MGMT: variants seen among roughly 807,000 people sequenced by gnomAD.
The protein encoded by MGMT is methylated-DNA--protein-cysteine methyltransferase.
In MGMT, 14 loss-of-function variants were observed where a neutral mutation model predicts 15.9. The observed-to-expected ratio is 0.88, with a 90% CI of 0.58 to 1.37. The LOEUF (loss-of-function observed/expected upper bound fraction) is 1.37. Ranked by LOEUF, MGMT falls within the 40% of genes most tolerant of loss-of-function variation. The pLI is 0.00. For missense variants in MGMT, 282 were observed against 268.1 expected (o/e 1.05, Z -0.36); for synonymous variants, 130 against 118.2 (o/e 1.10, Z -0.65).
intron 2 of MGMT, among the ~76,000 whole-genome samples, chr10:129,573,271 C>G (rs1846440719): frequency 6.6e-6 from 1 of 152,006 alleles, no homozygotes; most frequent in Non-Finnish European, 1.5e-5. Context: ...ATAAGAAATT[C>G]AACTAGATTT....
chr10:129,761,762 C>T (rs953238104), intron 4 of MGMT, among the ~76,000 whole-genome samples: 4 of 152,200 alleles, frequency 2.6e-5, no homozygotes, highest in African/African-American at 4.8e-5. Context: ...TCGCCCTTCT[C>T]GGCGTCCACA....
At chr10:129,513,821 C>G (rs1357211137) in intron 1 of MGMT, among the ~76,000 whole-genome samples, 1 of 152,180 alleles carries the variant, frequency 6.6e-6, no homozygotes, top group Non-Finnish European at 1.5e-5. Flanking sequence ...CTTCCAAACT[C>G]CACGGCTGAG....
chr10:129,596,301 T>C (rs1846750590), intron 2 of MGMT, among the ~76,000 whole-genome samples: 2 of 152,244 alleles, frequency 1.3e-5, no homozygotes, highest in South Asian at 4.1e-4. Flanking sequence ...CAGTTTCTTT[T>C]TCCATTTATT....
Position 129,736,689 on chromosome 10 carries a change from G to A in MGMT, c.275-22513G>A, listed in dbSNP as rs574234872. The stretch of plus-strand genomic sequence containing the variant: ...CTACATTTTGGCATGATTTTGCAGC[G>A]GCTGGTACCGGTTGTTCCTTTCCAT... On this transcript the variant is annotated intron_variant, in intron 3 of 4. Coordinates refer to ENST00000651593, the MANE Select transcript of MGMT (RefSeq NM_002412.5). Among the ~76,000 whole-genome samples the A allele has an allele frequency of 2.3e-3, 351 of 152,214 alleles. 1 individual carries two copies. Among genetic ancestry groups the A allele is most frequent in the African/African-American group, 7.2e-3 (299 of 41,538 alleles).
intron 2 of MGMT, among the ~76,000 whole-genome samples, chr10:129,576,796 C>T (rs1846488738): frequency 6.6e-6 from 1 of 152,204 alleles, no homozygotes; most frequent in African/African-American, 2.4e-5. Flanking sequence ...CCCATCGTCT[C>T]ATCCCAAAAT....
chr10:129,646,832 G>A (rs1376403936), intron 2 of MGMT, among the ~76,000 whole-genome samples: 1 of 149,080 alleles, frequency 6.7e-6, no homozygotes. Flanking sequence ...GGTGAATCAG[G>A]AGGTGAGAGC....
intron 2 of MGMT, among the ~76,000 whole-genome samples, chr10:129,592,003 C>T (rs1846692581): frequency 1.3e-5 from 2 of 152,222 alleles, no homozygotes; most frequent in South Asian, 2.1e-4. Flanking sequence ...ACAAACTGAC[C>T]CTGGAGCACC....
intron 2 of MGMT, among the ~76,000 whole-genome samples, chr10:129,558,833 T>A (rs2119804790): frequency 6.6e-6 from 1 of 152,294 alleles, no homozygotes; most frequent in South Asian, 2.1e-4. Flanking sequence ...TTTTGCCATT[T>A]CTCTTTTTCC....
In MGMT at chr10:129,644,754, C is replaced by T. The variant is rs563078882; in HGVS notation, c.126-63141C>T. On this transcript the variant is annotated intron_variant, in intron 2 of 4. Transcript: ENST00000651593. The stretch of plus-strand genomic sequence containing the variant: ...AGCTATAGCTGTTATTGGCCTTGCC[C>T]GGTGCTCCTGGACCGTGGTTAGTGG... Among the ~76,000 whole-genome samples the T allele has an allele frequency of 2.0e-3, 303 of 152,336 alleles. 2 individuals are homozygous for T. The highest frequency in any genetic ancestry group is 6.1e-3 in the African/African-American group (252 of 41,594).
intron 2 of MGMT, among the ~76,000 whole-genome samples, chr10:129,541,818 C>T (rs1444614897): frequency 6.6e-6 from 1 of 152,152 alleles, no homozygotes; most frequent in East Asian, 1.9e-4. Flanking sequence ...TGCAGAGGCT[C>T]TTTTTCTGTC....
intron 2 of MGMT, among the ~76,000 whole-genome samples, chr10:129,595,248 G>A (rs941465509): frequency 1.3e-5 from 2 of 152,170 alleles, no homozygotes; most frequent in South Asian, 2.1e-4. Flanking sequence ...AGACGGACAC[G>A]CTTAGTTCCC....
chr10:129,565,746 C>T (rs1192205495), intron 2 of MGMT, among the ~76,000 whole-genome samples: 3 of 152,108 alleles, frequency 2.0e-5, no homozygotes, highest in African/African-American at 4.8e-5. Flanking sequence ...CCTGGCGCCC[C>T]GTCTCCCCGT....
chr10:129,694,827 T>A (rs950929976), intron 2 of MGMT, among the ~76,000 whole-genome samples: 1 of 152,198 alleles, frequency 6.6e-6, no homozygotes, highest in African/African-American at 2.4e-5. Context: ...AACTCTGGCC[T>A]CCAGCATGAT....
At chr10:129,519,693 C>T (rs1408437927) in intron 1 of MGMT, among the ~76,000 whole-genome samples, 1 of 152,134 alleles carries the variant, frequency 6.6e-6, no homozygotes, top group Non-Finnish European at 1.5e-5. Context: ...AAGAATTCTT[C>T]CCTGCAGAAA....
At chr10:129,642,889 A>G (rs1267912909) in intron 2 of MGMT, among the ~76,000 whole-genome samples, 3 of 152,134 alleles carry the variant, frequency 2.0e-5, no homozygotes, top group African/African-American at 7.2e-5. Flanking sequence ...CCGCGATCCC[A>G]CCAAGGCATT....
intron 2 of MGMT, among the ~76,000 whole-genome samples, chr10:129,545,738 A>AT (rs1415506231): frequency 1.3e-5 from 2 of 152,170 alleles, no homozygotes; most frequent in Non-Finnish European, 2.9e-5. Context: ...TATTCTTCCT[A>AT]TATCTGTAAG....
At chr10:129,559,064 T>C (rs550111791) in intron 2 of MGMT, among the ~76,000 whole-genome samples, 1 of 152,314 alleles carries the variant, frequency 6.6e-6, no homozygotes, top group South Asian at 2.1e-4. Flanking sequence ...AATATTTGCA[T>C]CGACCAGGAT....
At position 129,490,288 on chromosome 10, in the gene MGMT, A is replaced by T. The variant is rs140291671; in HGVS notation, c.-13+22992A>T. 1.8e-3 allele frequency among the ~76,000 whole-genome samples: 277 copies of T among 152,278 alleles called. 1 individual carries two copies. Among genetic ancestry groups the T allele is most frequent in the Non-Finnish European group, 3.4e-3 (233 of 68,002 alleles). ...TTTTTCTGCATCTATTTAACTGTTT[A>T]TGTGGTTCCCATCCCCATATCTGTT... is the stretch of plus-strand genomic sequence containing the variant. On this transcript the variant is annotated intron_variant, in intron 1 of 4. Transcript: ENST00000651593.
At chr10:129,599,258 G>A (rs1846789128) in intron 2 of MGMT, among the ~76,000 whole-genome samples, 1 of 152,186 alleles carries the variant, frequency 6.6e-6, no homozygotes, top group Admixed American at 6.5e-5. Context: ...GTAGGCTACG[G>A]TCTGTTTATA....
Sources: gnomAD v4.1 joint callset for allele counts (sites outside exome capture counted in the v4.1 genomes callset) on GRCh38, gnomAD v4.1.1 for gene constraint, MANE v1.5 for transcripts, NCBI Gene and HGNC (gene_info 2026-07-23, HGNC 2026-07-21) for gene names.